CEP295NL: variants seen among roughly 807,000 people sequenced by gnomAD.
CEP295NL encodes the protein protein DDC8 homolog.
In CEP295NL, 3 loss-of-function variants were observed where a neutral mutation model predicts 4.6. That is an observed-to-expected ratio of 0.65 (90% CI 0.30 to 1.69). CEP295NL has a LOEUF of 1.69. Ranked by LOEUF, CEP295NL falls within the 40% of genes most tolerant of loss-of-function variation. CEP295NL has a pLI of 0.10. For missense variants in CEP295NL, 719 were observed against 769.0 expected (o/e 0.93, Z 0.77); for synonymous variants, 295 against 312.2 (o/e 0.94, Z 0.58).
chr17:78,896,842 G>C lies in CEP295NL; in HGVS notation c.45-4383C>G, dbSNP rs551987847. On this transcript the variant is annotated intron_variant, in intron 2 of 2. Coordinates refer to ENST00000322630, the MANE Select transcript of CEP295NL (RefSeq NM_001243540.2). This position sits in a 1 kb window ranked among gnomAD's most constrained non-coding sequence, Gnocchi z 4.4. Reference sequence around the variant, plus strand: ...CTCTCTACAGCCCCGTGGCCCCAGCGCAGGAGCCAGCCCATGGCAGCTCCA... The same window carrying C: ...CTCTCTACAGCCCCGTGGCCCCAGCCCAGGAGCCAGCCCATGGCAGCTCCA... The C allele has an allele frequency of 2.4e-6, 2 of 825,818 alleles. No homozygotes were observed. The highest frequency in any genetic ancestry group is 1.1e-4 in the South Asian group (2 of 18,198). 51.2% of individuals were successfully genotyped at this position (825,818 alleles called of 1,614,324 possible).
intron 2 of CEP295NL, among the ~76,000 whole-genome samples, chr17:78,892,688 T>G (rs933333302): frequency 1.1e-4 from 16 of 152,216 alleles, no homozygotes; most frequent in Non-Finnish European, 2.1e-4. Flanking sequence ...GAGTGTGGTG[T>G]TGTTTCCCAG....
At position 78,890,780 on chromosome 17, in the gene CEP295NL, G is replaced by A. The variant is rs553520865; in HGVS notation, c.1724C>T (p.Ser575Leu). 87 of 1,550,614 alleles carry A rather than the reference G, an allele frequency of 5.6e-5. No homozygotes were observed. Among genetic ancestry groups the A allele is most frequent in the East Asian group, 3.4e-4 (14 of 40,914 alleles). ...GTCGTCGTCGGCGAGGCTGGTGCCC[G>A]ATGGGGAAGTGGTGCTGAGCTCAGA... ...RGSELSTTSP[S>L]GTSLADDDRH... Residue 575 changes from serine (S) to leucine (L), a missense_variant, in exon 3 of 3, where the codon TCG (serine) becomes TTG (leucine). Transcript: ENST00000322630.
Position 78,891,193 on chromosome 17 carries a change from G to C in CEP295NL, c.1311C>G (p.Gly437=). Residue 437 remains glycine, a synonymous_variant, in exon 3 of 3, where the codon GGC becomes GGG. Transcript: ENST00000322630. The surrounding 1 kb of genome is among the most constrained non-coding windows in gnomAD (Gnocchi z 4.5). ...CATTTCTAAACGTGGGCTTGACCGTGCCCTGATATTTTTGGTTCTGGGCCT... is the reference window on the plus strand; with the variant it reads ...CATTTCTAAACGTGGGCTTGACCGTCCCCTGATATTTTTGGTTCTGGGCCT... ...MGKAQNQKYQ[G]TVKPTFRNGS... is the part of the protein sequence containing the mutation. 9 of 1,550,670 alleles carry C rather than the reference G, an allele frequency of 5.8e-6. No homozygotes were observed. The highest frequency in any genetic ancestry group is 7.8e-6 in the Non-Finnish European group (9 of 1,147,022).
intron 2 of CEP295NL, chr17:78,897,541 T>C (rs2070022056): frequency 6.6e-6 from 1 of 152,112 alleles, no homozygotes; most frequent in African/African-American, 2.4e-5. Context: ...AATGGGTGAA[T>C]CCACCCACAG....
At chr17:78,901,685 G>T in intron 2 of CEP295NL, 100 bp downstream of exon 2, 3 of 715,646 alleles carry the variant, frequency 4.2e-6, no homozygotes, top group Non-Finnish European at 7.8e-6. Flanking sequence ...TGCTCTTTAG[G>T]ATGGGGATGA....
Position 78,891,959 on chromosome 17 carries a change from T to C in CEP295NL, c.545A>G (p.Glu182Gly), listed in dbSNP as rs8077028. The change falls in exon 3 of 3, where the codon GAA (glutamate) becomes GGA (glycine). Residue 182 changes from glutamate (E) to glycine (G), a missense_variant. Transcript: ENST00000322630. The surrounding 1 kb of genome is among the most constrained non-coding windows in gnomAD (Gnocchi z 4.5). Reference protein sequence around the residue: ...AALSEERSCREELGQQHPRHS... With the variant: ...AALSEERSCRGELGQQHPRHS... ...CCTGGGGTGTTGCTGGCCCAACTCT[T>C]CCCTGCAACTCCTCTCTTCACTAAG... 0.015 allele frequency: 23,931 copies of C among 1,550,494 alleles called. 2,668 individuals carry two copies. The African/African-American group carries it at 0.26, about 17-fold the overall frequency.
At position 78,892,156 on chromosome 17, in the gene CEP295NL, TCTC is replaced by T. The variant is rs1321143769; in HGVS notation, c.345_347del (p.Arg116del). 8 of 1,550,778 alleles carry T rather than the reference TCTC, an allele frequency of 5.2e-6. No homozygotes were observed. The highest frequency in any genetic ancestry group is 2.4e-5 in the South Asian group (2 of 84,066). On this transcript the variant is annotated inframe_deletion, in exon 3 of 3. Transcript: ENST00000322630. ...GCAGGTGCTGTGCCTCCTGATACCCTCTCCTCAACTCCTCAGCCAAGCGCTGGA... is the reference window on the plus strand; with the variant it reads ...GCAGGTGCTGTGCCTCCTGATACCCTCTCAACTCCTCAGCCAAGCGCTGGA...
In CEP295NL at chr17:78,893,017, AAGG is replaced by A. The variant is rs577935849; in HGVS notation, c.45-561_45-559del. On this transcript the variant is annotated intron_variant, in intron 2 of 2. Transcript: ENST00000322630. ...TGGAGGGAGAATTGATCGTAAAGGAAAGGAGGAAGAGACGGGGCAGGGAGGAGC... is the reference window on the plus strand; with the variant it reads ...TGGAGGGAGAATTGATCGTAAAGGAAAGGAAGAGACGGGGCAGGGAGGAGC... Among the ~76,000 whole-genome samples the A allele has an allele frequency of 1.4e-4, 22 of 152,254 alleles. No homozygotes were observed. The South Asian group carries it at 4.1e-3, about 29-fold the overall frequency.
chr17:78,892,339 C>T lies in CEP295NL; in HGVS notation c.165G>A (p.Arg55=), dbSNP rs1276188205. ...WEAVSAGFAD[R]NRNMDGAMWL... The stretch of plus-strand genomic sequence containing the variant: ...ACATGGCTCCATCCATGTTTCTGTT[C>T]CTGTCTGCGAACCCAGCAGATACAG... Residue 55 remains arginine (R), a synonymous_variant, in exon 3 of 3, where the codon AGG becomes AGA. Transcript: ENST00000322630. 1 of 1,550,536 alleles carries T rather than the reference C, an allele frequency of 6.4e-7. No homozygotes were observed. Among genetic ancestry groups the T allele is most frequent in the African/African-American group, 1.4e-5 (1 of 73,064 alleles).
intron 1 of CEP295NL, chr17:78,902,695 T>A (rs1414162573): frequency 6.6e-6 from 1 of 152,200 alleles, no homozygotes; most frequent in Non-Finnish European, 1.5e-5. Flanking sequence ...AGACGCCAGC[T>A]CCCCACGTGG....
chr17:78,893,561 G>T (rs2069952251), intron 2 of CEP295NL, among the ~76,000 whole-genome samples: 1 of 151,994 alleles, frequency 6.6e-6, no homozygotes, highest in African/African-American at 2.4e-5. Context: ...GCACATCTGT[G>T]TGTACAGGGG....
intron 2 of CEP295NL, among the ~76,000 whole-genome samples, chr17:78,893,458 GGGGTGTGTGTGCATAGC>G (rs2069948550): frequency 7.0e-6 from 1 of 142,964 alleles, no homozygotes; most frequent in African/African-American, 2.6e-5. Flanking sequence ...TGTGTGTGCA[GGGGTGTGTGTGCATAGC>G]GGTGTGTGTG....
At chr17:78,893,418 GGT>G (rs756124782) in intron 2 of CEP295NL, among the ~76,000 whole-genome samples, 2 of 108,250 alleles carry the variant, frequency 1.8e-5, no homozygotes, top group Non-Finnish European at 3.4e-5. Flanking sequence ...TGTGCATAGG[GGT>G]GTGTGTGCAG....
chr17:78,901,748 G>A, intron 2 of CEP295NL, 37 bp downstream of exon 2: 1 of 717,362 alleles, frequency 1.4e-6, no homozygotes, highest in South Asian at 1.5e-5. Flanking sequence ...ACCACGAGAA[G>A]CACCTGAAAT....
intron 2 of CEP295NL, chr17:78,897,593 A>G (rs2070022935): frequency 6.6e-6 from 1 of 152,158 alleles, no homozygotes; most frequent in Admixed American, 6.5e-5. Context: ...ACACTTAGAC[A>G]CCCAAAAATC....
At chr17:78,897,372 G>A (rs1016760995) in intron 2 of CEP295NL, 5 of 152,190 alleles carry the variant, frequency 3.3e-5, no homozygotes, top group African/African-American at 1.2e-4. Context: ...CCCATCTAGA[G>A]CCTTGGGGTG....
intron 1 of CEP295NL, 98 bp downstream of exon 1, chr17:78,903,036 C>T (rs1236761315): frequency 6.6e-6 from 1 of 152,400 alleles, no homozygotes; most frequent in African/African-American, 2.4e-5. Flanking sequence ...TTGGGAGCCT[C>T]GCTAAACAGC....
chr17:78,900,781 G>A lies in CEP295NL; in HGVS notation c.44+1004C>T, dbSNP rs565803813. Among the ~76,000 whole-genome samples, 19 of 152,298 alleles carry A rather than the reference G, an allele frequency of 1.2e-4. 2 individuals are homozygous for A. Among genetic ancestry groups the A allele is most frequent in the African/African-American group, 4.6e-4 (19 of 41,570 alleles). ...TCTTACAAGATAAAAAAAGGTAATG[G>A]GAACACATCTAAAACTTATATGTGG... is the stretch of plus-strand genomic sequence containing the variant. On this transcript the variant is annotated intron_variant, in intron 2 of 2. Coordinates refer to ENST00000322630, the MANE Select transcript of CEP295NL (RefSeq NM_001243540.2).
intron 2 of CEP295NL, chr17:78,899,590 A>C (rs1178881326): frequency 6.6e-6 from 1 of 152,230 alleles, no homozygotes; most frequent in Non-Finnish European, 1.5e-5. Context: ...AGGCTTGAGA[A>C]CGGTCAAGCA....
Sources: allele counts gnomAD v4.1 joint callset (sites outside exome capture counted in the v4.1 genomes callset), GRCh38; gene constraint gnomAD v4.1.1; non-coding constraint Gnocchi (gnomAD v3.1); transcripts MANE v1.5; gene names NCBI Gene and HGNC (gene_info 2026-07-23, HGNC 2026-07-21).